The following LAMC2 variants were observed in gnomAD, a reference collection of about 807,000 sequenced individuals.
The protein encoded by LAMC2 is laminin subunit gamma 2.
In LAMC2, 97 loss-of-function variants were observed where a neutral mutation model predicts 140.2. The ratio of observed to expected loss-of-function variants is 0.69; its 90% CI spans 0.59 to 0.82. The LOEUF is 0.82. LAMC2 is among the 40% of genes least tolerant of loss of function. LAMC2 has a pLI of 0.00. For missense variants in LAMC2, 1,402 were observed against 1,476.1 expected (o/e 0.95, Z 0.82); for synonymous variants, 513 against 540.2 (o/e 0.95, Z 0.70).
chr1:183,231,018 G>C lies in LAMC2; in HGVS notation c.1772G>C (p.Cys591Ser), dbSNP rs747903961. Reference sequence around the variant, plus strand: ...GTAGGATGTCGAAGTGATGGCACCTGTGTTTGCAAGCCAGGATTTGGTGGC... The same window carrying C: ...GTAGGATGTCGAAGTGATGGCACCTCTGTTTGCAAGCCAGGATTTGGTGGC... ...EPVGCRSDGT[C>S]VCKPGFGGPN... Residue 591 changes from cysteine (C) to serine (S), a missense_variant, in exon 12 of 23, where the codon TGT (cysteine) becomes TCT (serine). By Grantham distance (112) the Cys-to-Ser change is moderately radical. Transcript: ENST00000264144. 1.2e-6 allele frequency: 2 copies of C among 1,614,188 alleles called. No individual in the cohort carries two copies. The highest frequency in any genetic ancestry group is 1.7e-6 in the Non-Finnish European group (2 of 1,180,032).
chr1:183,256,416 AT>A, the LAMC2 span, among the ~76,000 whole-genome samples: 32 of 152,348 alleles, frequency 2.1e-4, no homozygotes, highest in African/African-American at 7.0e-4. Flanking sequence ...CTCAAAAAAA[AT>A]AATAAAAAAA....
At chr1:183,240,765 A>G in intron 22 of LAMC2, 1 of 966,336 alleles carries the variant, frequency 1.0e-6, no homozygotes, top group Non-Finnish European at 1.3e-6. Flanking sequence ...ACCACTGTAT[A>G]TTTCAGAAAG....
intron 1 of LAMC2, among the ~76,000 whole-genome samples, chr1:183,194,058 T>A (rs1339935835): frequency 6.6e-6 from 1 of 152,152 alleles, no homozygotes; most frequent in Non-Finnish European, 1.5e-5. Flanking sequence ...TAGCTGGGAT[T>A]ACAGGCGCAT....
intron 7 of LAMC2, among the ~76,000 whole-genome samples, chr1:183,223,852 C>T (rs1659548074): frequency 6.6e-6 from 1 of 152,022 alleles, no homozygotes; most frequent in Non-Finnish European, 1.5e-5. Context: ...TTATGGATGG[C>T]TTTGTGTGTG....
At chr1:183,247,784 T>G (rs1031595907), downstream of LAMC2, among the ~76,000 whole-genome samples, 1 of 152,244 alleles carries the variant, frequency 6.6e-6, no homozygotes, top group Non-Finnish European at 1.5e-5. Context: ...GATTGAACAG[T>G]TAACAAATTG....
In LAMC2 at chr1:183,204,395, C is replaced by T. The variant is rs115405365; in HGVS notation, c.80-3486C>T. Among the ~76,000 whole-genome samples, 706 of 151,184 alleles carry T rather than the reference C, an allele frequency of 4.7e-3. 4 individuals carry two copies. The highest frequency in any genetic ancestry group is 0.016 in the African/African-American group (671 of 41,154). The stretch of plus-strand genomic sequence containing the variant: ...CGGATTGCTTGAATCCAGGAGTTTA[C>T]GACCAGACTGGGCAACATGGTGAAA... On this transcript the variant is annotated intron_variant, in intron 1 of 22. Coordinates refer to ENST00000264144, the MANE Select transcript of LAMC2 (RefSeq NM_005562.3).
At chr1:183,200,621 C>A (rs548609966) in intron 1 of LAMC2, among the ~76,000 whole-genome samples, 1 of 152,286 alleles carries the variant, frequency 6.6e-6, no homozygotes, top group South Asian at 2.1e-4. Flanking sequence ...CCTAAGGCCA[C>A]AGCTGGGAAA....
intron 7 of LAMC2, among the ~76,000 whole-genome samples, chr1:183,224,186 A>G (rs891738897): frequency 6.6e-6 from 1 of 152,212 alleles, no homozygotes; most frequent in Non-Finnish European, 1.5e-5. Context: ...AAAGGTCCAC[A>G]GGGCTTTTCC....
the LAMC2 span, among the ~76,000 whole-genome samples, chr1:183,255,456 G>A: frequency 6.6e-6 from 1 of 152,060 alleles, no homozygotes; most frequent in African/African-American, 2.4e-5. Flanking sequence ...AAGTATGAAT[G>A]CTGCCATTGG....
intron 17 of LAMC2, 142 bp downstream of exon 17, chr1:183,236,746 C>T: frequency 1.0e-6 from 1 of 969,502 alleles, no homozygotes; most frequent in South Asian, 1.4e-5. Context: ...AGTATTTAGC[C>T]TTCTCATTAC....
the LAMC2 span, chr1:183,252,817 C>T: frequency 9.6e-7 from 1 of 1,039,184 alleles, no homozygotes; most frequent in Non-Finnish European, 1.5e-6. Context: ...ATGCCCCTGT[C>T]TCCCCAGCAC....
chr1:183,189,389 A>G (rs1658253042), intron 1 of LAMC2, among the ~76,000 whole-genome samples: 1 of 152,198 alleles, frequency 6.6e-6, no homozygotes, highest in African/African-American at 2.4e-5. Context: ...CAGGAGTTCG[A>G]GACCAGCCTG....
At chr1:183,221,277 T>C (rs1458480032) in intron 5 of LAMC2, among the ~76,000 whole-genome samples, 2 of 152,162 alleles carry the variant, frequency 1.3e-5, no homozygotes, top group African/African-American at 4.8e-5. Context: ...GTTTGGAGAG[T>C]GTATGAGTCT....
At chr1:183,227,788 GAAATTAT>G in intron 10 of LAMC2, 91 bp downstream of exon 10, 1 of 1,238,024 alleles carries the variant, frequency 8.1e-7, no homozygotes. Context: ...GAATTCCTAG[GAAATTAT>G]AATGACTTCG....
rs118203900 is a variant in LAMC2, at chr1:183,228,564, C to A, written c.1659C>A (p.Cys553Ter). 3 of 1,613,982 alleles carry A rather than the reference C, an allele frequency of 1.9e-6. No individual in the cohort carries two copies. In the East Asian group the frequency reaches 6.7e-5, roughly 36 times the overall value. Residue 553 changes from cysteine to a stop codon, truncating the protein, a stop_gained, in exon 11 of 23, where the codon TGC becomes TGA. Transcript: ENST00000264144. LOFTEE classifies it high-confidence loss of function. The surrounding 1 kb of genome is among the most constrained non-coding windows in gnomAD (Gnocchi z 4.3). ...CAGCCGGCATCTACTGCGACCAGTG[C>A]AAAGCAGGCTACTTCGGGGACCCAT... ...HNTAGIYCDQ[C>*]KAGYFGDPLA... is the part of the protein sequence containing the mutation.
At chr1:183,226,342 G>A (rs1226950351) in intron 8 of LAMC2, among the ~76,000 whole-genome samples, 1 of 152,136 alleles carries the variant, frequency 6.6e-6, no homozygotes, top group Non-Finnish European at 1.5e-5. Context: ...CTGTATGCCA[G>A]ATAGATTATA....
chr1:183,215,715 G>C (rs1659232854), intron 3 of LAMC2, 127 bp downstream of exon 3: 1 of 1,115,804 alleles, frequency 9.0e-7, no homozygotes, highest in Non-Finnish European at 1.4e-6. Flanking sequence ...TACATCATTT[G>C]GGCTATCTAC....
intron 3 of LAMC2, among the ~76,000 whole-genome samples, chr1:183,216,207 C>G (rs548211195): frequency 1.4e-4 from 22 of 152,306 alleles, no homozygotes; most frequent in African/African-American, 5.3e-4. Flanking sequence ...TTGCTGGCTC[C>G]TTGCTGGGAC....
At chr1:183,208,345 G>A (rs187139673) in intron 2 of LAMC2, among the ~76,000 whole-genome samples, 5 of 152,284 alleles carry the variant, frequency 3.3e-5, no homozygotes, top group Admixed American at 3.3e-4. Flanking sequence ...ATGTTGTCTT[G>A]AATTCTAATA....
Sources: gnomAD v4.1 joint callset for allele counts (sites outside exome capture counted in the v4.1 genomes callset) on GRCh38, gnomAD v4.1.1 for gene constraint, Gnocchi (gnomAD v3.1) non-coding constraint, MANE v1.5 for transcripts, NCBI Gene and HGNC (gene_info 2026-07-23, HGNC 2026-07-21) for gene names.